NREP: variants seen among roughly 807,000 people sequenced by gnomAD.
NREP encodes the protein neuronal regeneration-related protein.
In NREP, 5 loss-of-function variants were observed where a neutral mutation model predicts 8.6. The observed-to-expected ratio is 0.58, with a 90% CI of 0.30 to 1.22. The LOEUF is 1.22. Ranked by LOEUF, NREP falls within the 50% of genes most tolerant of loss-of-function variation. NREP has a pLI of 0.07. For missense variants in NREP, 86 were observed against 82.5 expected, an observed-to-expected ratio of 1.04 and a Z score of -0.17; for synonymous variants, 27 against 28.0, an observed-to-expected ratio of 0.96 and a Z score of 0.11.
intron 2 of NREP, among the ~76,000 whole-genome samples, chr5:111,930,971 G>T (rs993331228): frequency 1.3e-5 from 2 of 152,084 alleles, no homozygotes; most frequent in African/African-American, 2.4e-5. Flanking sequence ...TGCCATCATT[G>T]TGCATCTATG....
intron 2 of NREP, among the ~76,000 whole-genome samples, chr5:111,788,524 G>A (rs1214476985): frequency 6.6e-6 from 1 of 152,152 alleles, no homozygotes; most frequent in African/African-American, 2.4e-5. Context: ...CATGAAGTCA[G>A]AACTGACTGG....
At chr5:111,939,118 T>C (rs1469542685) in intron 2 of NREP, among the ~76,000 whole-genome samples, 1 of 151,980 alleles carries the variant, frequency 6.6e-6, no homozygotes, top group South Asian at 2.1e-4. Flanking sequence ...TCTTCCTTCC[T>C]TTTTCTACCC....
At chr5:111,921,484 T>C (rs1755238768) in intron 2 of NREP, among the ~76,000 whole-genome samples, 1 of 152,140 alleles carries the variant, frequency 6.6e-6, no homozygotes, top group African/African-American at 2.4e-5. Flanking sequence ...GCATTCTTCC[T>C]CTCAAACAAG....
chr5:111,826,468 C>T (rs984060876), intron 2 of NREP, among the ~76,000 whole-genome samples: 8 of 152,308 alleles, frequency 5.3e-5, no homozygotes, highest in African/African-American at 7.2e-5. Context: ...TGAAGGTCTG[C>T]GGCTTCACTC....
chr5:111,769,440 C>T (rs1467085245), intron 2 of NREP, among the ~76,000 whole-genome samples: 1 of 152,064 alleles, frequency 6.6e-6, no homozygotes, highest in East Asian at 1.9e-4. Flanking sequence ...GCAAAGAATG[C>T]CTGGGGGGAG....
At chr5:111,947,993 T>C (rs931250704) in intron 2 of NREP, among the ~76,000 whole-genome samples, 1 of 152,050 alleles carries the variant, frequency 6.6e-6, no homozygotes, top group Non-Finnish European at 1.5e-5. Flanking sequence ...TAATTTCTAA[T>C]CCAATCGTTG....
chr5:111,912,030 C>G (rs938812931), intron 2 of NREP, among the ~76,000 whole-genome samples: 4 of 152,112 alleles, frequency 2.6e-5, no homozygotes, highest in African/African-American at 9.7e-5. Flanking sequence ...AAATTCCTGT[C>G]TGTCTACCTT....
At position 111,802,379 on chromosome 5, in the gene NREP, TAA is replaced by T. The variant is rs1752034121; in HGVS notation, c.136-66874_136-66873del. Among the ~76,000 whole-genome samples the T allele has an allele frequency of 2.0e-5, 3 of 152,290 alleles. No homozygotes were observed. In the East Asian group the frequency reaches 5.8e-4, roughly 29 times the overall value. ...ATTGGGCAGATGACTCCCAAATTGT[TAA>T]AGACTTTTAGGGTGAAGCCTAGTCT... is the stretch of plus-strand genomic sequence containing the variant. On this transcript the variant is annotated intron_variant, in intron 2 of 3. Coordinates refer to the NREP transcript ENST00000395634.
At chr5:111,947,769 G>A (rs1756032152) in intron 2 of NREP, among the ~76,000 whole-genome samples, 1 of 152,006 alleles carries the variant, frequency 6.6e-6, no homozygotes, top group African/African-American at 2.4e-5. Flanking sequence ...TTAAATTCTT[G>A]TTGTACATAA....
chr5:111,770,672 G>A (rs1450799602), intron 2 of NREP, among the ~76,000 whole-genome samples: 1 of 142,156 alleles, frequency 7.0e-6, no homozygotes, highest in African/African-American at 2.6e-5. Flanking sequence ...CCAGGCTGAA[G>A]CCATTCTTCG....
chr5:111,753,305 C>T lies in NREP; in HGVS notation c.3+2465G>A, dbSNP rs1029322719. Among the ~76,000 whole-genome samples, 4 of 145,688 alleles carry T rather than the reference C, an allele frequency of 2.7e-5. No homozygotes were observed. In the East Asian group the frequency reaches 8.0e-4, roughly 29 times the overall value. On this transcript the variant is annotated intron_variant, in intron 2 of 3. Coordinates refer to ENST00000257435, the MANE Select transcript of NREP (RefSeq NM_004772.4). ...ATACACAGAACACATGTAATTGGTG[C>T]CTCCTAGAGCTGCACAAGTTGATTT...
chr5:111,896,076 TC>T (rs1306850756), intron 2 of NREP, among the ~76,000 whole-genome samples: 4 of 152,308 alleles, frequency 2.6e-5, no homozygotes, highest in Non-Finnish European at 5.9e-5. Flanking sequence ...TTTTTTGTTT[TC>T]AAAAAGATCA....
chr5:111,892,241 C>T (rs990963268), intron 2 of NREP, among the ~76,000 whole-genome samples: 3 of 152,084 alleles, frequency 2.0e-5, no homozygotes, highest in Non-Finnish European at 4.4e-5. Context: ...GAGAATGAGA[C>T]TGGAGAAGAA....
chr5:111,809,396 T>C (rs1434128188), intron 2 of NREP, among the ~76,000 whole-genome samples: 1 of 152,200 alleles, frequency 6.6e-6, no homozygotes, highest in Non-Finnish European at 1.5e-5. Context: ...CCAAAATTCA[T>C]GTTGAAATTT....
chr5:111,874,175 CAT>C (rs1241039451), intron 2 of NREP, among the ~76,000 whole-genome samples: 1 of 150,082 alleles, frequency 6.7e-6, no homozygotes, highest in Non-Finnish European at 1.5e-5. Flanking sequence ...TGTTCATTTT[CAT>C]ATATGTTTTA....
At chr5:111,798,779 GTGTGTGTGTA>G (rs1751933479) in intron 2 of NREP, among the ~76,000 whole-genome samples, 1 of 81,096 alleles carries the variant, frequency 1.2e-5, no homozygotes. Context: ...GTGTGTGTAT[GTGTGTGTGTA>G]TACATATATA....
At chr5:111,973,613 C>T (rs1241669557) in intron 2 of NREP, among the ~76,000 whole-genome samples, 1 of 152,210 alleles carries the variant, frequency 6.6e-6, no homozygotes, top group East Asian at 1.9e-4. Context: ...TTCTGCTTAT[C>T]ATAGTCTCTC....
At chr5:111,789,864 T>A (rs1436701614) in intron 2 of NREP, among the ~76,000 whole-genome samples, 1 of 152,124 alleles carries the variant, frequency 6.6e-6, no homozygotes, top group East Asian at 1.9e-4. Context: ...CTATAGGCAA[T>A]GGAAGAGCTT....
At chr5:111,926,920 TG>T (rs1755404228) in intron 2 of NREP, among the ~76,000 whole-genome samples, 1 of 150,736 alleles carries the variant, frequency 6.6e-6, no homozygotes, top group African/African-American at 2.4e-5. Flanking sequence ...CCCGGAGGAG[TG>T]GGTCAGGCAG....
Sources: gnomAD v4.1 joint callset for allele counts (sites outside exome capture counted in the v4.1 genomes callset) on GRCh38, gnomAD v4.1.1 for gene constraint, MANE v1.5 for transcripts, NCBI Gene and HGNC (gene_info 2026-07-23, HGNC 2026-07-21) for gene names.